CYP51A1: variants seen among roughly 807,000 people sequenced by gnomAD.
The protein encoded by CYP51A1 is cytochrome P450 family 51 subfamily A member 1.
In CYP51A1, 45 loss-of-function variants were observed where a neutral mutation model predicts 53.5. That is an observed-to-expected ratio of 0.84 (90% CI 0.66 to 1.08). The LOEUF is 1.08. CYP51A1 is among the 50% of genes least tolerant of loss of function. The pLI is 0.00. For synonymous variants in CYP51A1, 181 were observed against 217.7 expected (o/e 0.83, Z 1.48); for missense variants, 462 against 621.7 (o/e 0.74, Z 2.73).
intron 7 of CYP51A1, among the ~76,000 whole-genome samples, chr7:92,122,395 C>T (rs1819711051): frequency 6.6e-6 from 1 of 151,716 alleles, no homozygotes; most frequent in South Asian, 2.1e-4. Flanking sequence ...AAAGACATCA[C>T]AGTGAAACTA....
intron 5 of CYP51A1, 91 bp from the exon 6 acceptor site, chr7:92,123,944 C>T: frequency 9.0e-7 from 1 of 1,107,062 alleles, no homozygotes. Flanking sequence ...GAGCATAAAG[C>T]ATCTTATTTA....
intron 1 of CYP51A1, 85 bp downstream of exon 1, chr7:92,134,088 C>G: frequency 7.3e-7 from 1 of 1,362,792 alleles, no homozygotes; most frequent in African/African-American, 1.5e-5. Flanking sequence ...CTGAGCCGGT[C>G]GGGGCCACGG....
intron 4 of CYP51A1, among the ~76,000 whole-genome samples, chr7:92,126,992 C>G (rs186721354): frequency 6.6e-6 from 1 of 152,210 alleles, no homozygotes; most frequent in African/African-American, 2.4e-5. Context: ...ACTAAATGAA[C>G]TTCCAATGAT....
chr7:92,123,906 G>T, intron 5 of CYP51A1, 53 bp from the exon 6 acceptor site: 1 of 1,434,696 alleles, frequency 7.0e-7, no homozygotes, highest in Non-Finnish European at 9.3e-7. Context: ...AACCTTCTAG[G>T]ATCAAATTCA....
At position 92,112,905 on chromosome 7, in the gene CYP51A1, C is replaced by G. The variant is rs1648688468; in HGVS notation, c.*760G>C. 1 of 151,016 alleles carries G rather than the reference C, an allele frequency of 6.6e-6. No individual in the cohort carries two copies. Among genetic ancestry groups the G allele is most frequent in the African/African-American group, 2.4e-5 (1 of 41,032 alleles). 9.4% of individuals were successfully genotyped at this position (151,016 alleles called of 1,614,324 possible). A position where few individuals can be genotyped will look rare whatever the true frequency, so the allele number is the denominator to read the frequency against. ...TATCCCCTAAGGACTTGACTTTGGA[C>G]TTCCACATAAATGTGACCTTGTAGA... is the stretch of plus-strand genomic sequence containing the variant. On this transcript the variant is annotated 3_prime_UTR_variant, in exon 10 of 10. Transcript: ENST00000003100.
chr7:92,129,656 G>A (rs77923405), intron 2 of CYP51A1, among the ~76,000 whole-genome samples: 4,059 of 152,190 alleles, frequency 0.027, 75 homozygotes, highest in Middle Eastern at 0.051. Flanking sequence ...ACTAGACTCT[G>A]GGGGTATAAT....
chr7:92,118,157 A>G (rs541047311), intron 8 of CYP51A1, among the ~76,000 whole-genome samples: 3 of 150,482 alleles, frequency 2.0e-5, no homozygotes, highest in Non-Finnish European at 4.4e-5. Context: ...TTTCTTTTTT[A>G]TTTTTATTTT....
Position 92,123,851 on chromosome 7 carries a change from C to A in CYP51A1, c.773G>T (p.Arg258Leu), listed in dbSNP as rs765961879. ...PGWLPLPSFR[R>L]RDRAHREIKD... Reference sequence around the variant, plus strand: ...GATTTCCCGATGAGCTCTGTCCCTGCGTCTGTAATTAAAAGATAAAGATGA... The same window carrying A: ...GATTTCCCGATGAGCTCTGTCCCTGAGTCTGTAATTAAAAGATAAAGATGA... Residue 258 changes from arginine to leucine, a missense_variant and splice_region_variant, in exon 6 of 10, where the codon CGC (arginine) becomes CTC (leucine). Transcript: ENST00000003100. The A allele has an allele frequency of 1.8e-5, 28 of 1,578,294 alleles. No homozygotes were observed. Among genetic ancestry groups the A allele is most frequent in the East Asian group, 9.1e-5 (4 of 43,992 alleles).
chr7:92,112,523 T>C lies in CYP51A1; in HGVS notation c.*1142A>G, dbSNP rs1819413988. ...ATGAGTAGTAACAAACATCCCTAATTGGATTCTAGAGAGGAAGCAGGGAAG... is the reference window on the plus strand; with the variant it reads ...ATGAGTAGTAACAAACATCCCTAATCGGATTCTAGAGAGGAAGCAGGGAAG... On this transcript the variant is annotated 3_prime_UTR_variant, in exon 10 of 10. Transcript: ENST00000003100. 6.6e-6 allele frequency: 1 copy of C among 152,122 alleles called. No homozygotes were observed. The highest frequency in any genetic ancestry group is 2.4e-5 in the African/African-American group (1 of 41,420). 9.4% of individuals were successfully genotyped at this position (152,122 alleles called of 1,614,324 possible).
chr7:92,116,040 G>A (rs1192775120), intron 9 of CYP51A1, among the ~76,000 whole-genome samples: 2 of 152,258 alleles, frequency 1.3e-5, no homozygotes, highest in African/African-American at 4.8e-5. Context: ...GGGAGGCCAA[G>A]GTGGGCAGAT....
intron 4 of CYP51A1, among the ~76,000 whole-genome samples, chr7:92,126,891 T>A (rs1413686647): frequency 6.6e-6 from 1 of 152,204 alleles, no homozygotes; most frequent in Non-Finnish European, 1.5e-5. Context: ...AATTAGTATA[T>A]CCCAACACTG....
At chr7:92,129,262 T>C (rs1019039598) in intron 2 of CYP51A1, among the ~76,000 whole-genome samples, 2 of 152,234 alleles carry the variant, frequency 1.3e-5, no homozygotes, top group Non-Finnish European at 2.9e-5. Flanking sequence ...AGTATAAATA[T>C]AACTGTTTAT....
intron 7 of CYP51A1, among the ~76,000 whole-genome samples, chr7:92,122,133 T>C (rs1454561852): frequency 6.6e-6 from 1 of 151,462 alleles, no homozygotes; most frequent in Non-Finnish European, 1.5e-5. Context: ...TAGAGAGATA[T>C]AAACTACTGA....
chr7:92,123,283 G>A lies in CYP51A1; in HGVS notation c.923C>T (p.Ala308Val), dbSNP rs143968550. ...DGRPLTDDEV[A>V]GMLIGLLLAG... The stretch of plus-strand genomic sequence containing the variant: ...CAAGAGTAATCCAATAAGCATCCCT[G>A]CTACTTCATCATCAGTCAAAGGACG... The change falls in exon 7 of 10, where the codon GCA becomes GTA. Residue 308 changes from alanine to valine, a missense_variant. Ala to Val is a moderately conservative substitution (Grantham distance 64). Coordinates refer to ENST00000003100, the MANE Select transcript of CYP51A1 (RefSeq NM_000786.4). The A allele has an allele frequency of 6.2e-6, 10 of 1,613,864 alleles. No individual in the cohort carries two copies. The highest frequency in any genetic ancestry group is 8.5e-6 in the Non-Finnish European group (10 of 1,179,876).
At chr7:92,117,532 G>A (rs560036855) in intron 8 of CYP51A1, 2 of 179,924 alleles carry the variant, frequency 1.1e-5, no homozygotes, top group Admixed American at 6.2e-5. Flanking sequence ...TAATGCCTTG[G>A]AGGTAGGGTT....
At chr7:92,115,201 G>A (rs1392292579) in intron 9 of CYP51A1, among the ~76,000 whole-genome samples, 1 of 152,148 alleles carries the variant, frequency 6.6e-6, no homozygotes, top group Non-Finnish European at 1.5e-5. Context: ...AGAAATTAGA[G>A]ACATGTAATG....
At chr7:92,126,140 C>T in intron 5 of CYP51A1, 113 bp downstream of exon 5, 2 of 676,048 alleles carry the variant, frequency 3.0e-6, no homozygotes, top group Non-Finnish European at 4.6e-6. Context: ...TAATCTTACC[C>T]ATTTTGTATG....
rs760426451 is a variant in CYP51A1, at chr7:92,127,635, CA to C, written c.469-5del. ...TTTTCTTCTGCTCCAAGAAAACCTT[CA>C]AAAAAATTCAAAACGGGGATACGGC... On this transcript the variant is annotated splice_region_variant and splice_polypyrimidine_tract_variant and intron_variant, in intron 3 of 9. Transcript: ENST00000003100. The C allele has an allele frequency of 9.9e-6, 16 of 1,613,034 alleles. No individual in the cohort carries two copies. The highest frequency in any genetic ancestry group is 1.7e-5 in the Admixed American group (1 of 59,918).
chr7:92,128,459 C>CGT (rs1194518183), intron 3 of CYP51A1, among the ~76,000 whole-genome samples: 2 of 138,492 alleles, frequency 1.4e-5, no homozygotes, highest in African/African-American at 2.7e-5. Flanking sequence ...TGTGTGTGCG[C>CGT]GTGCGTGTGT....
Sources: allele counts gnomAD v4.1 joint callset (sites outside exome capture counted in the v4.1 genomes callset), GRCh38; gene constraint gnomAD v4.1.1; transcripts MANE v1.5; gene names NCBI Gene and HGNC (gene_info 2026-07-23, HGNC 2026-07-21).